The following PLPPR2 variants were observed in gnomAD, a reference collection of about 807,000 sequenced individuals.
PLPPR2 encodes the protein phospholipid phosphatase-related protein type 2.
PLPPR2 carries 11 observed loss-of-function variants against 40.3 expected under a neutral mutation model. The observed-to-expected ratio is 0.27, with a 90% CI of 0.17 to 0.45. PLPPR2 has a LOEUF of 0.45. Among genes scored for constraint, PLPPR2 ranks in the 20% least tolerant of loss-of-function variants. The probability of loss-of-function intolerance (pLI) is 1.00; values close to 1 mark genes in which losing one functional copy is unlikely to be tolerated. For missense variants in PLPPR2, 497 were observed against 640.7 expected, an observed-to-expected ratio of 0.78 and a Z score of 2.42; for synonymous variants, 260 against 290.8, an observed-to-expected ratio of 0.89 and a Z score of 1.08.
At chr19:11,358,889 A>G (rs950542019) in intron 3 of PLPPR2, among the ~76,000 whole-genome samples, 1 of 151,280 alleles carries the variant, frequency 6.6e-6, no homozygotes, top group African/African-American at 2.4e-5. Flanking sequence ...TAATTTTTGT[A>G]TTTTTAGTAG....
rs555270534 is a variant in PLPPR2, at chr19:11,361,859, A to T, written c.663+371A>T. On this transcript the variant is annotated intron_variant, in intron 6 of 9. Coordinates refer to ENST00000688289, the MANE Select transcript of PLPPR2 (RefSeq NM_001393892.1). This position sits in a 1 kb window ranked among gnomAD's most constrained non-coding sequence, Gnocchi z 6.3. ...CTACAGGCGCTAGATATTAGCTGGC[A>T]GACTGGGCAGATGGGACGGCCCCCT... 2.6e-5 allele frequency among the ~76,000 whole-genome samples: 4 copies of T among 151,794 alleles called. No individual in the cohort carries two copies. The South Asian group carries it at 8.3e-4, about 31-fold the overall frequency.
In PLPPR2 at chr19:11,361,285, C is replaced by G; in HGVS notation, c.460C>G (p.Pro154Ala). 1 of 1,613,690 alleles carries G rather than the reference C, an allele frequency of 6.2e-7. No homozygotes were observed. The highest frequency in any genetic ancestry group is 8.5e-7 in the Non-Finnish European group (1 of 1,179,948). The change falls in exon 6 of 10, where the codon CCC becomes GCC. Residue 154 changes from proline to alanine, a missense_variant. Coordinates refer to ENST00000688289, the MANE Select transcript of PLPPR2 (RefSeq NM_001393892.1). The surrounding 1 kb of genome is among the most constrained non-coding windows in gnomAD (Gnocchi z 6.3). ...ANAGQVVTGNPTPHFLSVCRP... is the reference protein window; with the variant it reads ...ANAGQVVTGNATPHFLSVCRP... ...CGCGGGGCAGGTGGTGACCGGCAATCCCACGCCACACTTCCTGTCCGTGTG... is the reference window on the plus strand; with the variant it reads ...CGCGGGGCAGGTGGTGACCGGCAATGCCACGCCACACTTCCTGTCCGTGTG...
At chr19:11,358,869 C>T (rs1219452963) in intron 3 of PLPPR2, among the ~76,000 whole-genome samples, 1 of 151,878 alleles carries the variant, frequency 6.6e-6, no homozygotes, top group Non-Finnish European at 1.5e-5. Context: ...CGTCTGCCAC[C>T]ATACCCAGCT....
Position 11,363,703 on chromosome 19 carries a change from T to G in PLPPR2, c.841-10T>G. On this transcript the variant is annotated splice_polypyrimidine_tract_variant and intron_variant, in intron 7 of 9. Transcript: ENST00000688289. The surrounding 1 kb of genome is among the most constrained non-coding windows in gnomAD (Gnocchi z 4.8). ...CCAGGCCTCAACACTCTCCTCTCCC[T>G]CTATTCCAGGTCACCTGCGTTGTGC... The G allele has an allele frequency of 6.2e-7, 1 of 1,610,332 alleles. No homozygotes were observed. Among genetic ancestry groups the G allele is most frequent in the Non-Finnish European group, 8.5e-7 (1 of 1,177,108 alleles).
rs1968148302 is a variant in PLPPR2, at chr19:11,364,723, C to T, written c.*33C>T. ...CCACCCACCCAGAATCTGCCCAGTCCCCACTTCTTCCCTGCCACGCGTGTG... is the reference window on the plus strand; with the variant it reads ...CCACCCACCCAGAATCTGCCCAGTCTCCACTTCTTCCCTGCCACGCGTGTG... On this transcript the variant is annotated 3_prime_UTR_variant, in exon 10 of 10. Coordinates refer to ENST00000688289, the MANE Select transcript of PLPPR2 (RefSeq NM_001393892.1). This position sits in a 1 kb window ranked among gnomAD's most constrained non-coding sequence, Gnocchi z 5.8. 6.5e-7 allele frequency: 1 copy of T among 1,536,306 alleles called. No homozygotes were observed. The highest frequency in any genetic ancestry group is 8.7e-7 in the Non-Finnish European group (1 of 1,146,408).
chr19:11,362,612 C>T lies in PLPPR2; in HGVS notation c.763C>T (p.Arg255Cys). 6.2e-7 allele frequency: 1 copy of T among 1,613,728 alleles called. No individual in the cohort carries two copies. Among genetic ancestry groups the T allele is most frequent in the Non-Finnish European group, 8.5e-7 (1 of 1,180,004 alleles). The change falls in exon 7 of 10, where the codon CGC becomes TGC. Residue 255 changes from arginine (R) to cysteine (C), a missense_variant. By Grantham distance (180) the Arg-to-Cys change is radical (BLOSUM62 -3). Transcript: ENST00000688289. This position sits in a 1 kb window ranked among gnomAD's most constrained non-coding sequence, Gnocchi z 5.3. ...LCPAFLVGVV[R>C]VAEYRNHWSD... The stretch of plus-strand genomic sequence containing the variant: ...CCCGGCCTTCCTGGTGGGCGTGGTC[C>T]GCGTGGCCGAGTACCGAAACCACTG...
At position 11,361,190 on chromosome 19, in the gene PLPPR2, G is replaced by GA. The variant is rs748704114; in HGVS notation, c.392-25dup. On this transcript the variant is annotated intron_variant, in intron 5 of 9. Coordinates refer to ENST00000688289, the MANE Select transcript of PLPPR2 (RefSeq NM_001393892.1). The surrounding 1 kb of genome is among the most constrained non-coding windows in gnomAD (Gnocchi z 6.3). ...GTGGGAGCATCAGGGCCTGGCGCAT[G>GA]AACCCCTTCCACTATCCCACCCCTA... The GA allele has an allele frequency of 6.3e-7, 1 of 1,577,642 alleles. No homozygotes were observed. The highest frequency in any genetic ancestry group is 1.3e-5 in the African/African-American group (1 of 74,638).
rs2144673577 is a variant in PLPPR2 at position 11,361,078 on chromosome 19, A to T, written c.392-139A>T. The T allele has an allele frequency of 8.9e-7, 1 of 1,119,576 alleles. No individual in the cohort carries two copies. The allele number at this position is 1,119,576 out of a possible 1,614,324, so 69.4% of individuals were successfully genotyped here. A position where few individuals can be genotyped will look rare whatever the true frequency, so the allele number is the denominator to read the frequency against. On this transcript the variant is annotated intron_variant, in intron 5 of 9. Coordinates refer to ENST00000688289, the MANE Select transcript of PLPPR2 (RefSeq NM_001393892.1). The surrounding 1 kb of genome is among the most constrained non-coding windows in gnomAD (Gnocchi z 6.3). The stretch of plus-strand genomic sequence containing the variant: ...AGTACCTTCATGGTGGTCTTAAAGG[A>T]AGGGGGATGTTGGCACAACTACAGG...
chr19:11,364,782 GC>G lies in PLPPR2; in HGVS notation c.*98del, dbSNP rs991129720. 2.8e-5 allele frequency: 40 copies of G among 1,411,108 alleles called. No homozygotes were observed. Among genetic ancestry groups the G allele is most frequent in the Admixed American group, 2.5e-4 (12 of 48,746 alleles). 87.4% of individuals were successfully genotyped at this position (1,411,108 alleles called of 1,614,324 possible). On this transcript the variant is annotated 3_prime_UTR_variant, in exon 10 of 10. Coordinates refer to ENST00000688289, the MANE Select transcript of PLPPR2 (RefSeq NM_001393892.1). This position sits in a 1 kb window ranked among gnomAD's most constrained non-coding sequence, Gnocchi z 5.8. ...TGCCACGTGAGTGCCAAAGTCCCCT[GC>G]CCCCCAAGCCAGCCAGACCCAGACA...
In PLPPR2 at chr19:11,364,491, C is replaced by T. The variant is rs760323365; in HGVS notation, c.1160C>T (p.Ala387Val). 225 of 1,516,310 alleles carry T rather than the reference C, an allele frequency of 1.5e-4. No individual in the cohort carries two copies. The highest frequency in any genetic ancestry group is 1.7e-4 in the Non-Finnish European group (197 of 1,137,142). 93.9% of individuals were successfully genotyped at this position (1,516,310 alleles called of 1,614,324 possible). ...TPLPLPLPLPAPTPSQGPSPS... is the reference protein window; with the variant it reads ...TPLPLPLPLPVPTPSQGPSPS... ...TTGCCCCTGCCCCTACCCCTGCCAG[C>T]GCCCACCCCCAGCCAGGGCCCCTCG... is the stretch of plus-strand genomic sequence containing the variant. Residue 387 changes from alanine to valine, a missense_variant, in exon 10 of 10, where the codon GCG (alanine) becomes GTG (valine). Ala to Val is a moderately conservative substitution (Grantham distance 64, BLOSUM62 0). Transcript: ENST00000688289. The surrounding 1 kb of genome is among the most constrained non-coding windows in gnomAD (Gnocchi z 5.8).
chr19:11,357,268 G>C (rs760069707), intron 2 of PLPPR2, among the ~76,000 whole-genome samples: 5 of 152,100 alleles, frequency 3.3e-5, no homozygotes, highest in Non-Finnish European at 5.9e-5. Context: ...TTGGGAAAGA[G>C]GATGGTGTCC....
chr19:11,362,533 C>A lies in PLPPR2; in HGVS notation c.684C>A (p.Phe228Leu), dbSNP rs770752584. The A allele has an allele frequency of 1.9e-6, 3 of 1,610,908 alleles. No homozygotes were observed. Residue 228 changes from phenylalanine to leucine, a missense_variant, in exon 7 of 10, where the codon TTC becomes TTA. Physicochemically the swap from Phe to Leu is conservative, Grantham distance 22 (BLOSUM62 0). Coordinates refer to ENST00000688289, the MANE Select transcript of PLPPR2 (RefSeq NM_001393892.1). The surrounding 1 kb of genome is among the most constrained non-coding windows in gnomAD (Gnocchi z 5.3). The stretch of plus-strand genomic sequence containing the variant: ...CGCAGATGTACGTGACTCTCGTGTT[C>A]CGCGTGAAGGGCTCCCGCCTGGTCA... ...TYTAMYVTLV[F>L]RVKGSRLVKP... is the part of the protein sequence containing the mutation.
intron 1 of PLPPR2, among the ~76,000 whole-genome samples, chr19:11,356,553 G>A (rs143476290): frequency 6.6e-6 from 1 of 152,194 alleles, no homozygotes; most frequent in Non-Finnish European, 1.5e-5. Flanking sequence ...TTGGACACCT[G>A]TCTGAACAAG....
At chr19:11,360,481 C>T (rs1968013734) in intron 5 of PLPPR2, among the ~76,000 whole-genome samples, 1 of 151,776 alleles carries the variant, frequency 6.6e-6, no homozygotes, top group Admixed American at 6.6e-5. Context: ...CTGGAATTGC[C>T]ATGATGGGGA....
rs776199316 is a variant in PLPPR2 at position 11,361,278 on chromosome 19, C to G, written c.453C>G (p.Thr151=). The G allele has an allele frequency of 1.2e-6, 2 of 1,613,552 alleles. No individual in the cohort carries two copies. The highest frequency in any genetic ancestry group is 2.2e-5 in the South Asian group (2 of 91,068). ...TCGCCAACGCGGGGCAGGTGGTGAC[C>G]GGCAATCCCACGCCACACTTCCTGT... ...TIFANAGQVV[T]GNPTPHFLSV... The change falls in exon 6 of 10, where the codon ACC becomes ACG. Residue 151 remains threonine, a synonymous_variant. Coordinates refer to ENST00000688289, the MANE Select transcript of PLPPR2 (RefSeq NM_001393892.1). The surrounding 1 kb of genome is among the most constrained non-coding windows in gnomAD (Gnocchi z 6.3).
chr19:11,358,865 C>T (rs529588396), intron 3 of PLPPR2, among the ~76,000 whole-genome samples: 1 of 151,982 alleles, frequency 6.6e-6, no homozygotes, highest in South Asian at 2.1e-4. Context: ...CAGGCGTCTG[C>T]CACCATACCC....
At chr19:11,356,493 A>G (rs1967882855) in intron 1 of PLPPR2, among the ~76,000 whole-genome samples, 1 of 152,048 alleles carries the variant, frequency 6.6e-6, no homozygotes, top group Non-Finnish European at 1.5e-5. Context: ...TGTCTCTGAC[A>G]GGCTATGAGC....
In PLPPR2 at chr19:11,363,750, C is replaced by A; in HGVS notation, c.878C>A (p.Pro293His). 1 of 1,614,170 alleles carries A rather than the reference C, an allele frequency of 6.2e-7. No individual in the cohort carries two copies. Among genetic ancestry groups the A allele is most frequent in the Admixed American group, 1.7e-5 (1 of 60,012 alleles). Residue 293 changes from proline to histidine, a missense_variant, in exon 8 of 10, where the codon CCC becomes CAC. Transcript: ENST00000688289. This position sits in a 1 kb window ranked among gnomAD's most constrained non-coding sequence, Gnocchi z 4.8. ...CVVHNFQSRPPSGRRLSPWED... is the reference protein window; with the variant it reads ...CVVHNFQSRPHSGRRLSPWED... ...GTGCATAACTTTCAGAGCCGGCCAC[C>A]CTCTGGCCGAAGGCTCTCTCCCTGG...
intron 2 of PLPPR2, among the ~76,000 whole-genome samples, chr19:11,357,341 G>A (rs541381648): frequency 6.6e-5 from 10 of 152,196 alleles, no homozygotes; most frequent in Admixed American, 2.0e-4. Flanking sequence ...AGGCTGGGGA[G>A]TCTCTTCTAA....
Sources: allele counts gnomAD v4.1 joint callset (sites outside exome capture counted in the v4.1 genomes callset), GRCh38; gene constraint gnomAD v4.1.1; non-coding constraint Gnocchi (gnomAD v3.1); transcripts MANE v1.5; gene names NCBI Gene and HGNC (gene_info 2026-07-23, HGNC 2026-07-21).